The following MAPK8 variants were observed in gnomAD, a reference collection of about 807,000 sequenced individuals.
MAPK8 encodes JUN N-terminal kinase.
A neutral mutation model predicts 52.9 loss-of-function variants in MAPK8; 13 were observed. The ratio of observed to expected loss-of-function variants is 0.25; its 90% CI spans 0.16 to 0.39. The LOEUF is 0.39. MAPK8 is among the 10% of genes least tolerant of loss of function. The pLI is 1.00. For missense variants in MAPK8, 300 were observed against 519.2 expected, an observed-to-expected ratio of 0.58 and a Z score of 4.10; for synonymous variants, 191 against 169.8, an observed-to-expected ratio of 1.12 and a Z score of -0.97.
intron 2 of MAPK8, among the ~76,000 whole-genome samples, chr10:48,403,565 A>G (rs1284970028): frequency 6.6e-6 from 1 of 152,136 alleles, no homozygotes; most frequent in Non-Finnish European, 1.5e-5. Context: ...GTAATTTACA[A>G]TATCAAAAAT....
At chr10:48,327,741 A>G (rs1000431287) in intron 1 of MAPK8, among the ~76,000 whole-genome samples, 1 of 152,164 alleles carries the variant, frequency 6.6e-6, no homozygotes, top group African/African-American at 2.4e-5. Context: ...AAGGTTAATA[A>G]CTGTTGATTC....
At position 48,335,011 on chromosome 10, in the gene MAPK8, C is replaced by T. The variant is rs80209989; in HGVS notation, c.-50+28190C>T. On this transcript the variant is annotated intron_variant, in intron 1 of 11. Transcript: ENST00000374189. ...CTTCCTCACTTAAGTTTCGATTTTC[C>T]GATAGCAAAACTTTTCCCTTTCATG... Among the ~76,000 whole-genome samples the T allele has an allele frequency of 4.3e-3, 656 of 152,236 alleles. 11 individuals are homozygous for T. The highest frequency in any genetic ancestry group is 0.029 in the Admixed American group (440 of 15,288).
chr10:48,360,777 A>C (rs562865941), intron 1 of MAPK8, among the ~76,000 whole-genome samples: 38 of 152,206 alleles, frequency 2.5e-4, no homozygotes, highest in Non-Finnish European at 5.0e-4. Context: ...TGACTGGGAT[A>C]AATACTTAGA....
intron 11 of MAPK8, among the ~76,000 whole-genome samples, chr10:48,433,951 A>G (rs752737254): frequency 1.3e-5 from 2 of 152,168 alleles, no homozygotes; most frequent in African/African-American, 4.8e-5. Flanking sequence ...CATTATTCCA[A>G]TTTGGAATGA....
intron 11 of MAPK8, among the ~76,000 whole-genome samples, chr10:48,434,558 A>G (rs1264193786): frequency 2.6e-5 from 4 of 152,220 alleles, no homozygotes; most frequent in Non-Finnish European, 5.9e-5. Context: ...AGCAGTATTC[A>G]CACATACCCT....
At chr10:48,395,714 C>T (rs187801086) in intron 1 of MAPK8, among the ~76,000 whole-genome samples, 109 of 151,972 alleles carry the variant, frequency 7.2e-4, no homozygotes, top group African/African-American at 2.5e-3. Flanking sequence ...TGAAAAAAAT[C>T]ACACCACTAG....
At chr10:48,330,068 A>G (rs1843974620) in intron 1 of MAPK8, among the ~76,000 whole-genome samples, 1 of 152,206 alleles carries the variant, frequency 6.6e-6, no homozygotes, top group Non-Finnish European at 1.5e-5. Context: ...AGAGATTTAT[A>G]TACATGGGTA....
chr10:48,337,841 A>G (rs766481472), intron 1 of MAPK8, among the ~76,000 whole-genome samples: 1 of 152,172 alleles, frequency 6.6e-6, no homozygotes, highest in South Asian at 2.1e-4. Flanking sequence ...CAAACTAGAA[A>G]ATTTAGAGGA....
chr10:48,374,667 A>G (rs1165168439), intron 1 of MAPK8, among the ~76,000 whole-genome samples: 1 of 152,128 alleles, frequency 6.6e-6, no homozygotes, highest in Non-Finnish European at 1.5e-5. Context: ...GAACATATAC[A>G]CCCTCCCAAG....
At chr10:48,374,623 A>C (rs1589113623) in intron 1 of MAPK8, among the ~76,000 whole-genome samples, 1 of 152,220 alleles carries the variant, frequency 6.6e-6, no homozygotes, top group East Asian at 1.9e-4. Flanking sequence ...TATGCAAATA[A>C]ACTAGAAAAT....
At chr10:48,409,141 C>T (rs139935578) in intron 3 of MAPK8, among the ~76,000 whole-genome samples, 84 of 152,134 alleles carry the variant, frequency 5.5e-4, no homozygotes, top group African/African-American at 2.0e-3. Flanking sequence ...GAAGGAATTA[C>T]AGCATGAACA....
At chr10:48,370,632 A>G (rs1022003379) in intron 1 of MAPK8, among the ~76,000 whole-genome samples, 2 of 152,202 alleles carry the variant, frequency 1.3e-5, no homozygotes, top group African/African-American at 4.8e-5. Context: ...GGGTAACACT[A>G]AAGGGGAATG....
At chr10:48,357,697 A>G (rs926458411) in intron 1 of MAPK8, among the ~76,000 whole-genome samples, 8 of 152,176 alleles carry the variant, frequency 5.3e-5, no homozygotes, top group Admixed American at 3.3e-4. Context: ...CCTGGCCATC[A>G]ATCTTATTTT....
chr10:48,341,993 T>TG (rs1845323718), intron 1 of MAPK8, among the ~76,000 whole-genome samples: 1 of 152,246 alleles, frequency 6.6e-6, no homozygotes, highest in African/African-American at 2.4e-5. Context: ...GGAAGGCTAA[T>TG]GCAGTTGGAC....
chr10:48,403,917 T>TTGTGTGTGTGTGTGTGTGTGTGTGTG (rs71465463), intron 2 of MAPK8, among the ~76,000 whole-genome samples: 3 of 125,672 alleles, frequency 2.4e-5, no homozygotes, highest in African/African-American at 6.4e-5. Flanking sequence ...CCCGGCTAAT[T>TTGTGTGTGTGTGTGTGTGTGTGTGTG]TGTGTGTGTG....
At position 48,427,084 on chromosome 10, in the gene MAPK8, C is replaced by T. The variant is rs986626073; in HGVS notation, c.1001C>T (p.Pro334Leu). Residue 334 changes from proline to leucine, a missense_variant, in exon 10 of 12, where the codon CCA becomes CTA. Physicochemically the swap from Pro to Leu is moderately conservative, Grantham distance 98. This residue lies in a region of MAPK8 where 119 missense variants were observed against 154.4 expected (regional missense o/e 0.77). Coordinates refer to ENST00000374189, the MANE Select transcript of MAPK8 (RefSeq NM_001323329.2). ...WYDPSEAEAPPPKIPDKQLDE... is the reference protein window; with the variant it reads ...WYDPSEAEAPLPKIPDKQLDE... ...TTATTGCCTTGTGTTTTTCAGCCAC[C>T]ACCAAAGATCCCTGACAAGCAGTTA... 14 of 1,612,682 alleles carry T rather than the reference C, an allele frequency of 8.7e-6. No individual in the cohort carries two copies. Among genetic ancestry groups the T allele is most frequent in the Non-Finnish European group, 1.2e-5 (14 of 1,179,102 alleles).
chr10:48,412,302 TTTGA>T (rs1461880878), intron 5 of MAPK8, among the ~76,000 whole-genome samples: 8 of 152,222 alleles, frequency 5.3e-5, no homozygotes, highest in Admixed American at 2.6e-4. Context: ...CTTTCAACAG[TTTGA>T]TTATGTGTCT....
At chr10:48,334,380 C>T (rs535917449) in intron 1 of MAPK8, among the ~76,000 whole-genome samples, 57 of 152,254 alleles carry the variant, frequency 3.7e-4, no homozygotes, top group African/African-American at 1.2e-3. Flanking sequence ...CCTCGCAGAA[C>T]GGAACTGCAG....
At chr10:48,403,532 A>G (rs2042271474) in intron 2 of MAPK8, among the ~76,000 whole-genome samples, 2 of 152,044 alleles carry the variant, frequency 1.3e-5, no homozygotes, top group Non-Finnish European at 2.9e-5. Flanking sequence ...AATGGCATTT[A>G]TTATCTTTCC....
Sources: gnomAD v4.1 joint callset for allele counts (sites outside exome capture counted in the v4.1 genomes callset) on GRCh38, gnomAD v4.1.1 for gene constraint, gnomAD v4.1.1 regional missense constraint, MANE v1.5 for transcripts, NCBI Gene and HGNC (gene_info 2026-07-23, HGNC 2026-07-21) for gene names.